The following RUNX1 variants were observed in gnomAD, a reference collection of about 807,000 sequenced individuals.
The protein encoded by RUNX1 is RUNX family transcription factor 1.
RUNX1 carries 19 observed loss-of-function variants against 42.8 expected under a neutral mutation model. The ratio of observed to expected loss-of-function variants is 0.44; its 90% CI spans 0.31 to 0.65. The LOEUF is 0.65. Among genes scored for constraint, RUNX1 ranks in the 30% least tolerant of loss-of-function variants. The pLI is 0.07. For synonymous variants in RUNX1, 271 were observed against 289.4 expected (o/e 0.94, Z 0.64); for missense variants, 528 against 672.0 (o/e 0.79, Z 2.37).
intron 3 of RUNX1, among the ~76,000 whole-genome samples, chr21:34,889,431 G>A (rs2058049635): frequency 6.6e-6 from 1 of 152,090 alleles, no homozygotes; most frequent in African/African-American, 2.4e-5. Context: ...CCCTCCGCGC[G>A]TCTCACTTGC....
At chr21:34,888,551 A>T (rs753753429) in intron 3 of RUNX1, 3 of 1,063,332 alleles carry the variant, frequency 2.8e-6, no homozygotes, top group Admixed American at 5.4e-5. Flanking sequence ...GGCCAAGGAG[A>T]AGCAGCAGAG....
chr21:34,810,446 C>T (rs997571129), intron 7 of RUNX1, among the ~76,000 whole-genome samples: 13 of 152,178 alleles, frequency 8.5e-5, no homozygotes, highest in African/African-American at 2.9e-4. Flanking sequence ...TATGGCTTAA[C>T]ATAAAGATGC....
intron 7 of RUNX1, among the ~76,000 whole-genome samples, chr21:34,810,801 A>G (rs1432895937): frequency 1.3e-5 from 2 of 152,180 alleles, no homozygotes; most frequent in Non-Finnish European, 2.9e-5. Flanking sequence ...CCAGGAAAGG[A>G]TAACAGTGTC....
chr21:34,971,123 T>G (rs1338845684), intron 2 of RUNX1, among the ~76,000 whole-genome samples: 9 of 152,342 alleles, frequency 5.9e-5, no homozygotes, highest in Admixed American at 4.6e-4. Context: ...CCTGGGATTA[T>G]GTATACTATG....
rs376125142 is a variant in RUNX1 at position 34,796,192 on chromosome 21, A to G, written c.967+3109T>C. ...TCTTTCACTTGTGAGGAGAACATCC[A>G]AAAGAAAGAGCTGCAATGCTGCCTG... On this transcript the variant is annotated intron_variant, in intron 8 of 8. Transcript: ENST00000675419. Among the ~76,000 whole-genome samples the G allele has an allele frequency of 4.6e-5, 7 of 152,366 alleles. No homozygotes were observed. The South Asian group carries it at 8.3e-4, about 18-fold the overall frequency.
chr21:34,858,802 C>T (rs2057529896), intron 6 of RUNX1, among the ~76,000 whole-genome samples: 3 of 152,154 alleles, frequency 2.0e-5, no homozygotes, highest in African/African-American at 7.2e-5. Context: ...GGTGTTTACT[C>T]AAAGATAGTC....
chr21:34,840,080 C>T (rs1361650264), intron 6 of RUNX1, among the ~76,000 whole-genome samples: 4 of 152,208 alleles, frequency 2.6e-5, no homozygotes, highest in African/African-American at 9.7e-5. Context: ...AATAACTGGG[C>T]ACATTCTGTC....
At position 34,898,844 on chromosome 21, in the gene RUNX1, C is replaced by T. The variant is rs185728918; in HGVS notation, c.59-5881G>A. 3.2e-3 allele frequency among the ~76,000 whole-genome samples: 484 copies of T among 152,348 alleles called. 3 individuals carry two copies. Among genetic ancestry groups the T allele is most frequent in the African/African-American group, 0.011 (453 of 41,574 alleles). On this transcript the variant is annotated intron_variant, in intron 2 of 8. Transcript: ENST00000675419. The stretch of plus-strand genomic sequence containing the variant: ...TGAGATTCTTGGTTTCCCATAAGCT[C>T]CCAGTGTTGCCACTGCCGCTGGTTC...
At chr21:34,886,601 T>C (rs2057991492) in intron 4 of RUNX1, among the ~76,000 whole-genome samples, 2 of 152,362 alleles carry the variant, frequency 1.3e-5, no homozygotes, top group African/African-American at 4.8e-5. Context: ...TGGATATCTT[T>C]GGGGACACCC....
At chr21:34,975,475 T>C (rs1365750995) in intron 2 of RUNX1, among the ~76,000 whole-genome samples, 1 of 152,218 alleles carries the variant, frequency 6.6e-6, no homozygotes, top group Non-Finnish European at 1.5e-5. Flanking sequence ...ATTTAAAGTA[T>C]ACAGGAGGAT....
At chr21:34,950,040 T>C (rs1047336485) in intron 2 of RUNX1, among the ~76,000 whole-genome samples, 3 of 152,174 alleles carry the variant, frequency 2.0e-5, no homozygotes, top group African/African-American at 7.2e-5. Flanking sequence ...GTTCACCAAA[T>C]TGAGTTAAAA....
intron 2 of RUNX1, among the ~76,000 whole-genome samples, chr21:34,925,814 C>T (rs1180619557): frequency 2.0e-5 from 3 of 152,142 alleles, no homozygotes; most frequent in South Asian, 2.1e-4. Flanking sequence ...GAAAGAGGTT[C>T]GAGAAATAAT....
chr21:34,792,737 C>T lies in RUNX1; in HGVS notation c.968-127G>A. On this transcript the variant is annotated intron_variant, in intron 8 of 8. Coordinates refer to ENST00000675419, the MANE Select transcript of RUNX1 (RefSeq NM_001754.5). The surrounding 1 kb of genome is among the most constrained non-coding windows in gnomAD (Gnocchi z 6.9). ...GGAGGATGGGAAGCCACCCAGGATG[C>T]TACTGCTGGGGAGGACGGGGACCAC... 1 of 941,706 alleles carries T rather than the reference C, an allele frequency of 1.1e-6. No homozygotes were observed. Among genetic ancestry groups the T allele is most frequent in the Non-Finnish European group, 1.6e-6 (1 of 645,122 alleles). 58.3% of individuals were successfully genotyped at this position (941,706 alleles called of 1,614,324 possible).
intron 2 of RUNX1, among the ~76,000 whole-genome samples, chr21:34,938,890 T>G (rs1388420698): frequency 2.0e-5 from 3 of 152,196 alleles, no homozygotes; most frequent in Non-Finnish European, 4.4e-5. Flanking sequence ...AATGTGATCT[T>G]GGTTTTGTTA....
Position 34,790,265 on chromosome 21 carries a change from A to G in RUNX1, c.*1870T>C, listed in dbSNP as rs564518148. On this transcript the variant is annotated 3_prime_UTR_variant, in exon 9 of 9. Coordinates refer to ENST00000675419, the MANE Select transcript of RUNX1 (RefSeq NM_001754.5). ...AAAACTCAAAAACAAGTTGTTTTAA[A>G]TAAGTCCAGCTGTTTTTGCTGCCTG... 1 of 233,532 alleles carries G rather than the reference A, an allele frequency of 4.3e-6. No individual in the cohort carries two copies. Among genetic ancestry groups the G allele is most frequent in the South Asian group, 1.8e-4 (1 of 5,528 alleles). The allele number at this position is 233,532 out of a possible 1,614,324, so 14.5% of individuals were successfully genotyped here.
intron 2 of RUNX1, among the ~76,000 whole-genome samples, chr21:34,945,697 T>A (rs775487768): frequency 6.6e-6 from 1 of 152,230 alleles, no homozygotes; most frequent in Non-Finnish European, 1.5e-5. Flanking sequence ...TCTCTGACAG[T>A]TCCTTTCATC....
intron 7 of RUNX1, among the ~76,000 whole-genome samples, chr21:34,820,525 AGACTCTGTAATCCC>A (rs1344535997): frequency 4.6e-5 from 7 of 152,006 alleles, no homozygotes; most frequent in South Asian, 2.1e-4. Context: ...GGGTGGTGGC[AGACTCTGTAATCCC>A]GACTCTGTAA....
At chr21:34,811,358 T>G (rs541947356) in intron 7 of RUNX1, among the ~76,000 whole-genome samples, 1 of 152,318 alleles carries the variant, frequency 6.6e-6, no homozygotes, top group East Asian at 1.9e-4. Flanking sequence ...TTGTCACAGC[T>G]CTTCTTTTCC....
chr21:34,936,011 A>G (rs956161636), intron 2 of RUNX1, among the ~76,000 whole-genome samples: 1 of 152,200 alleles, frequency 6.6e-6, no homozygotes, highest in Non-Finnish European at 1.5e-5. Flanking sequence ...AGCCAGTGAC[A>G]AACAGAATTC....
Sources: gnomAD v4.1 joint callset for allele counts (sites outside exome capture counted in the v4.1 genomes callset) on GRCh38, gnomAD v4.1.1 for gene constraint, Gnocchi (gnomAD v3.1) non-coding constraint, MANE v1.5 for transcripts, NCBI Gene and HGNC (gene_info 2026-07-23, HGNC 2026-07-21) for gene names.